DDHD1: variants seen among roughly 807,000 people sequenced by gnomAD.
DDHD1 encodes the protein DDHD domain containing 1.
In DDHD1, 49 loss-of-function variants were observed where a neutral mutation model predicts 96.4. The ratio of observed to expected loss-of-function variants is 0.51; its 90% CI spans 0.40 to 0.64. DDHD1 has a LOEUF of 0.64. DDHD1 is among the 30% of genes least tolerant of loss of function. The probability of loss-of-function intolerance (pLI) is 0.00; values close to 1 mark genes in which losing one functional copy is unlikely to be tolerated. For missense variants in DDHD1, 1,106 were observed against 1,161.2 expected, an observed-to-expected ratio of 0.95 and a Z score of 0.69; for synonymous variants, 442 against 446.5, an observed-to-expected ratio of 0.99 and a Z score of 0.13.
chr14:53,124,494 TA>T (rs1440698951), intron 1 of DDHD1, among the ~76,000 whole-genome samples: 3 of 152,168 alleles, frequency 2.0e-5, no homozygotes, highest in African/African-American at 7.2e-5. Flanking sequence ...AATTTTATCT[TA>T]CATAAAAAAT....
At chr14:53,079,030 C>T (rs1885210955) in intron 4 of DDHD1, among the ~76,000 whole-genome samples, 2 of 151,682 alleles carry the variant, frequency 1.3e-5, no homozygotes, top group Non-Finnish European at 2.9e-5. Flanking sequence ...AAATGTTGAC[C>T]CAATCTTGTA....
chr14:53,135,696 G>T (rs141891890), intron 1 of DDHD1, among the ~76,000 whole-genome samples: 1 of 152,174 alleles, frequency 6.6e-6, no homozygotes, highest in African/African-American at 2.4e-5. Context: ...AAATACAGAC[G>T]GTCAAGAATG....
chr14:53,152,117 C>G, intron 1 of DDHD1, 144 bp downstream of exon 1: 147 of 809,390 alleles, frequency 1.8e-4, no homozygotes, highest in Admixed American at 9.0e-4. Flanking sequence ...GCCGACGCTC[C>G]CTGCTCAATC....
Position 53,055,744 on chromosome 14 carries a change from T to C in DDHD1, c.2161A>G (p.Ile721Val), listed in dbSNP as rs1186119219. ...ACTGGTGAGGTCACAGGGCTTGGTA[T>C]GGTTGAAATGCCTTCATTCTCTGAA... ...SVSENEGIST[I>V]PSPVTSPVLS... The change falls in exon 10 of 13, where the codon ATA (isoleucine) becomes GTA (valine). Residue 721 changes from isoleucine to valine, a missense_variant. By Grantham distance (29) the Ile-to-Val change is conservative (BLOSUM62 3). Coordinates refer to ENST00000673822, the MANE Select transcript of DDHD1 (RefSeq NM_001160148.2). 6.2e-7 allele frequency: 1 copy of C among 1,614,160 alleles called. No individual in the cohort carries two copies. Among genetic ancestry groups the C allele is most frequent in the Non-Finnish European group, 8.5e-7 (1 of 1,180,012 alleles).
At chr14:53,105,340 T>C (rs894535160) in intron 1 of DDHD1, among the ~76,000 whole-genome samples, 1 of 152,116 alleles carries the variant, frequency 6.6e-6, no homozygotes, top group African/African-American at 2.4e-5. Flanking sequence ...ATATACTAGA[T>C]GATCTTGAGA....
In DDHD1 at chr14:53,152,586, G is replaced by C. The variant is rs768701113; in HGVS notation, c.513C>G (p.Phe171Leu). The C allele has an allele frequency of 6.1e-5, 99 of 1,613,784 alleles. No individual in the cohort carries two copies. In the Middle Eastern group the frequency reaches 6.6e-4, roughly 11 times the overall value. The part of the protein sequence containing the change: ...TELGPEEVRW[F>L]YKEDKKTWKP... ...TCCAGGTCTTCTTGTCCTCCTTGTA[G>C]AACCAGCGTACCTCCTCCGGGCCCA... The change falls in exon 1 of 13, where the codon TTC becomes TTG. Residue 171 changes from phenylalanine (F) to leucine (L), a missense_variant. Physicochemically the swap from Phe to Leu is conservative, Grantham distance 22. Transcript: ENST00000673822.
rs1052951644 is a variant in DDHD1, at chr14:53,153,080, C to G, written c.19G>C (p.Gly7Arg). MNYPGR[G>R]SPRSPEHNGR... ...TTATGCTCGGGGCTCCGTGGGGACC[C>G]GCGGCCCGGGTAATTCATGCTGTGG... Residue 7 changes from glycine to arginine, a missense_variant, in exon 1 of 13, where the codon GGG becomes CGG. By Grantham distance (125) the Gly-to-Arg change is moderately radical (BLOSUM62 -2). This residue lies in a region of DDHD1 where 456 missense variants were observed against 402.4 expected (regional missense o/e 1.13). Coordinates refer to ENST00000673822, the MANE Select transcript of DDHD1 (RefSeq NM_001160148.2). 1 of 1,445,152 alleles carries G rather than the reference C, an allele frequency of 6.9e-7. No homozygotes were observed. The highest frequency in any genetic ancestry group is 2.9e-5 in the East Asian group (1 of 34,690). The allele number at this position is 1,445,152 out of a possible 1,614,324, so 89.5% of individuals were successfully genotyped here.
At chr14:53,138,344 G>T (rs1423236592) in intron 1 of DDHD1, among the ~76,000 whole-genome samples, 1 of 152,158 alleles carries the variant, frequency 6.6e-6, no homozygotes, top group African/African-American at 2.4e-5. Context: ...GATGGAGGCT[G>T]CAGTGAGCCA....
At position 53,039,063 on chromosome 14, in the gene DDHD1, T is replaced by C. The variant is rs1484158401; in HGVS notation, c.*7705A>G. ...TAATTTTTTGTCAAATGATTATTAATTTGAACTCTTTTGGATCCAAGAGAC... is the reference window on the plus strand; with the variant it reads ...TAATTTTTTGTCAAATGATTATTAACTTGAACTCTTTTGGATCCAAGAGAC... On this transcript the variant is annotated 3_prime_UTR_variant, in exon 13 of 13. Transcript: ENST00000673822. 3 of 152,200 alleles carry C rather than the reference T, an allele frequency of 2.0e-5. No individual in the cohort carries two copies. Among genetic ancestry groups the C allele is most frequent in the Non-Finnish European group, 4.4e-5 (3 of 68,032 alleles). 9.4% of individuals were successfully genotyped at this position (152,200 alleles called of 1,614,324 possible). A position where few individuals can be genotyped will look rare whatever the true frequency, so the allele number is the denominator to read the frequency against.
chr14:53,126,940 C>A (rs1298147265), intron 1 of DDHD1, among the ~76,000 whole-genome samples: 1 of 152,056 alleles, frequency 6.6e-6, no homozygotes, highest in African/African-American at 2.4e-5. Flanking sequence ...ATAAAACAAT[C>A]ACGTGAGAAT....
At chr14:53,094,565 C>T (rs535883867) in intron 2 of DDHD1, among the ~76,000 whole-genome samples, 6 of 148,996 alleles carry the variant, frequency 4.0e-5, no homozygotes, top group African/African-American at 1.5e-4. Context: ...ATTAGCTGGG[C>T]ATGGTGATAT....
chr14:53,062,906 A>T, intron 7 of DDHD1, 37 bp downstream of exon 7: 1 of 1,596,908 alleles, frequency 6.3e-7, no homozygotes, highest in Non-Finnish European at 8.5e-7. Flanking sequence ...TTCCATAAAG[A>T]CATTTAAAAA....
chr14:53,069,268 T>C lies in DDHD1; in HGVS notation c.1503+3329A>G, dbSNP rs564969948. Among the ~76,000 whole-genome samples, 240 of 152,292 alleles carry C rather than the reference T, an allele frequency of 1.6e-3. 1 individual carries two copies. The highest frequency in any genetic ancestry group is 5.4e-3 in the African/African-American group (224 of 41,562). Reference sequence around the variant, plus strand: ...TAGAGGAAAAGATCTGGGTGCTAGGTGTGCTCAATTAGGGTGTCTTTGCTT... The same window carrying C: ...TAGAGGAAAAGATCTGGGTGCTAGGCGTGCTCAATTAGGGTGTCTTTGCTT... On this transcript the variant is annotated intron_variant, in intron 6 of 12. Transcript: ENST00000673822.
intron 6 of DDHD1, among the ~76,000 whole-genome samples, chr14:53,065,028 A>AAT (rs1303874094): frequency 6.6e-6 from 1 of 152,158 alleles, no homozygotes; most frequent in South Asian, 2.1e-4. Flanking sequence ...CAAGATTAAC[A>AAT]ATATATACTG....
chr14:53,143,443 A>T (rs1436394969), intron 1 of DDHD1, among the ~76,000 whole-genome samples: 46 of 152,224 alleles, frequency 3.0e-4, no homozygotes, highest in Non-Finnish European at 2.9e-5. Flanking sequence ...CAGAAAGGGT[A>T]CACTTGCCAG....
chr14:53,099,346 T>C (rs897813563), intron 2 of DDHD1, among the ~76,000 whole-genome samples: 4 of 152,186 alleles, frequency 2.6e-5, no homozygotes, highest in African/African-American at 9.6e-5. Context: ...TTTCCACTAG[T>C]ATCTTTTTCT....
intron 1 of DDHD1, among the ~76,000 whole-genome samples, chr14:53,144,461 G>A (rs1330178985): frequency 6.6e-6 from 1 of 152,212 alleles, no homozygotes; most frequent in African/African-American, 2.4e-5. Flanking sequence ...ACCACACTGT[G>A]CTTTCTTTCC....
chr14:53,152,446 G>A lies in DDHD1; in HGVS notation c.653C>T (p.Pro218Leu), dbSNP rs756034962. 4 of 1,613,450 alleles carry A rather than the reference G, an allele frequency of 2.5e-6. No individual in the cohort carries two copies. In the East Asian group the frequency reaches 8.9e-5, roughly 36 times the overall value. The change falls in exon 1 of 13, where the codon CCC becomes CTC. Residue 218 changes from proline to leucine, a missense_variant. Transcript: ENST00000673822. ...TCCGGAACTGGAGGCTGGGCCCGTG[G>A]GGGAGCACACATGGTCGCCGTCCCG... ...GDRDGDHVCS[P>L]TGPASSSGED...
At position 53,051,898 on chromosome 14, in the gene DDHD1, G is replaced by A; in HGVS notation, c.2467C>T (p.Leu823Phe). The A allele has an allele frequency of 6.3e-7, 1 of 1,596,358 alleles. No homozygotes were observed. Among genetic ancestry groups the A allele is most frequent in the Admixed American group, 1.7e-5 (1 of 57,722 alleles). ...YFRLQESFFNLPQLLFPENVM... is the reference protein window; with the variant it reads ...YFRLQESFFNFPQLLFPENVM... ...TTTTCCGGAAAAAGAAGTTGTGGGAGATTAAAGAACGATTCTTGAAGTCTG... is the reference window on the plus strand; with the variant it reads ...TTTTCCGGAAAAAGAAGTTGTGGGAAATTAAAGAACGATTCTTGAAGTCTG... Residue 823 changes from leucine to phenylalanine, a missense_variant, in exon 12 of 13, where the codon CTC (leucine) becomes TTC (phenylalanine). Physicochemically the swap from Leu to Phe is conservative, Grantham distance 22. Around this residue, in one of 2 missense-constraint regions of DDHD1, gnomAD observed 650 missense variants for 758.8 expected, o/e 0.86. Transcript: ENST00000673822.
Sources: allele counts gnomAD v4.1 joint callset (sites outside exome capture counted in the v4.1 genomes callset), GRCh38; gene constraint gnomAD v4.1.1; regional missense constraint gnomAD v4.1.1; transcripts MANE v1.5; gene names NCBI Gene and HGNC (gene_info 2026-07-23, HGNC 2026-07-21).